SLC1A6: variants seen among roughly 807,000 people sequenced by gnomAD.
SLC1A6 encodes the protein solute carrier family 1 member 6.
A neutral mutation model predicts 42.1 loss-of-function variants in SLC1A6; 15 were observed. That is an observed-to-expected ratio of 0.36 (90% CI 0.24 to 0.55). The LOEUF (loss-of-function observed/expected upper bound fraction) is 0.55. Among genes scored for constraint, SLC1A6 ranks in the 20% least tolerant of loss-of-function variants. The pLI, the probability that SLC1A6 is intolerant of heterozygous loss-of-function variation, is 0.88. For missense variants in SLC1A6, 542 were observed against 772.5 expected, an observed-to-expected ratio of 0.70 and a Z score of 3.54; for synonymous variants, 317 against 319.7, an observed-to-expected ratio of 0.99 and a Z score of 0.09.
upstream of SLC1A6, among the ~76,000 whole-genome samples, chr19:14,982,067 A>T (rs1314712572): frequency 1.3e-5 from 2 of 150,770 alleles, no homozygotes; most frequent in Admixed American, 6.6e-5. Context: ...CTAAAAAAAA[A>T]AATAAAATTT....
chr19:14,997,578 C>A (rs887307610), intron 1 of SLC1A6, among the ~76,000 whole-genome samples: 2 of 152,158 alleles, frequency 1.3e-5, no homozygotes, highest in African/African-American at 4.8e-5. Flanking sequence ...GCCAAGAGAG[C>A]AAGTGGCTGC....
Position 14,950,352 on chromosome 19 carries a change from G to A in SLC1A6, c.1538C>T (p.Ser513Leu). 2.5e-6 allele frequency: 4 copies of A among 1,606,884 alleles called. No homozygotes were observed. Among genetic ancestry groups the A allele is most frequent in the Non-Finnish European group, 3.4e-6 (4 of 1,175,772 alleles). ...GTGCTCGATGACGGCCGCTCCAATT[G>A]AGTCCCCCAGTACGTTGGTCATTGT... ...LRTMTNVLGDSIGAAVIEHLS... is the reference protein window; with the variant it reads ...LRTMTNVLGDLIGAAVIEHLS... Residue 513 changes from serine to leucine, a missense_variant, in exon 10 of 10, where the codon TCA (serine) becomes TTA (leucine). Around this residue, in one of 6 missense-constraint regions of SLC1A6, gnomAD observed 73 missense variants for 85.2 expected, o/e 0.86. Coordinates refer to ENST00000594383, the MANE Select transcript of SLC1A6 (RefSeq NM_005071.3).
chr19:14,983,367 C>T (rs74931295), upstream of SLC1A6, among the ~76,000 whole-genome samples: 1,188 of 152,052 alleles, frequency 7.8e-3, 23 homozygotes, highest in African/African-American at 0.026. Context: ...CTGAAGTGCT[C>T]AGTGTGTTTC....
intron 1 of SLC1A6, among the ~76,000 whole-genome samples, chr19:14,987,908 AAGTGCAGT>A (rs2045800914): frequency 6.6e-6 from 1 of 152,124 alleles, no homozygotes. Context: ...GCCCAGGCTG[AAGTGCAGT>A]AGGGCAATCA....
chr19:14,991,494 G>C (rs991629094), intron 1 of SLC1A6, among the ~76,000 whole-genome samples: 4 of 151,840 alleles, frequency 2.6e-5, no homozygotes, highest in Admixed American at 2.0e-4. Context: ...GTGGTGATGC[G>C]CACATGTAAT....
At chr19:14,952,798 T>A in intron 9 of SLC1A6, 130 bp downstream of exon 9, 3 of 1,218,390 alleles carry the variant, frequency 2.5e-6, no homozygotes, top group Non-Finnish European at 3.3e-6. Context: ...CTCCAAGGCC[T>A]CCTTTTCACT....
chr19:14,962,449 A>G, intron 5 of SLC1A6, 104 bp from the exon 6 acceptor site: 2 of 736,190 alleles, frequency 2.7e-6, no homozygotes, highest in Non-Finnish European at 4.6e-6. Context: ...ACACCCTGGA[A>G]GATCGATAAG....
intron 1 of SLC1A6, among the ~76,000 whole-genome samples, chr19:15,004,710 A>AG (rs555783279): frequency 6.6e-6 from 1 of 151,932 alleles, no homozygotes; most frequent in African/African-American, 2.4e-5. Flanking sequence ...AGAAAAAAAA[A>AG]AAAGATTCTT....
At chr19:15,001,810 C>T (rs2045873813) in intron 1 of SLC1A6, among the ~76,000 whole-genome samples, 1 of 152,066 alleles carries the variant, frequency 6.6e-6, no homozygotes, top group Non-Finnish European at 1.5e-5. Context: ...CACAGGCACA[C>T]ACCATAATGC....
At chr19:14,988,593 C>A (rs2045803661) in intron 1 of SLC1A6, among the ~76,000 whole-genome samples, 1 of 152,164 alleles carries the variant, frequency 6.6e-6, no homozygotes, top group East Asian at 1.9e-4. Context: ...TGAGATATCA[C>A]CTAATACCTG....
At chr19:14,980,816 TCAGGGCGGGGA>T (rs545201495), upstream of SLC1A6, among the ~76,000 whole-genome samples, 102 of 152,204 alleles carry the variant, frequency 6.7e-4, 1 homozygote, top group South Asian at 0.02. Flanking sequence ...TCCTCTATTT[TCAGGGCGGGGA>T]CAGGTGCTCA....
chr19:15,006,760 CA>C (rs58932066), intron 1 of SLC1A6, among the ~76,000 whole-genome samples: 50 of 133,104 alleles, frequency 3.8e-4, no homozygotes, highest in African/African-American at 6.5e-4. Flanking sequence ...CCTGTCTCTA[CA>C]AAAAAAAAAA....
chr19:14,951,306 A>C (rs1347341443), intron 9 of SLC1A6, among the ~76,000 whole-genome samples: 3 of 151,326 alleles, frequency 2.0e-5, no homozygotes, highest in Admixed American at 1.3e-4. Flanking sequence ...TGAACATCTC[A>C]TGCAGACGAT....
chr19:14,950,232 G>A lies in SLC1A6; in HGVS notation c.1658C>T (p.Ala553Val). The change falls in exon 10 of 10, where the codon GCA becomes GTA. Residue 553 changes from alanine (A) to valine (V), a missense_variant. Ala to Val is a moderately conservative substitution (Grantham distance 64). Coordinates refer to ENST00000594383, the MANE Select transcript of SLC1A6 (RefSeq NM_005071.3). ...CTCGTTGCCTCCCCGTCCCCGGGAT[G>A]CCCCCTTCTCCTGTGCCATGAGGGA... ...YKSLMAQEKG[A>V]SRGRGGNESA... 1 of 1,591,606 alleles carries A rather than the reference G, an allele frequency of 6.3e-7. No homozygotes were observed. The highest frequency in any genetic ancestry group is 8.6e-7 in the Non-Finnish European group (1 of 1,164,514).
At chr19:14,954,095 A>T in intron 8 of SLC1A6, 40 bp downstream of exon 8, 5 of 1,442,202 alleles carry the variant, frequency 3.5e-6, no homozygotes, top group Non-Finnish European at 4.8e-6. Flanking sequence ...ATGACCGCTT[A>T]AGTCTCACCT....
upstream of SLC1A6, among the ~76,000 whole-genome samples, chr19:14,980,910 T>A (rs2045763555): frequency 6.6e-6 from 1 of 152,044 alleles, no homozygotes; most frequent in South Asian, 2.1e-4. Flanking sequence ...TTTGCATGCA[T>A]CGCCCTGGCT....
chr19:14,967,036 A>G (rs2189666), intron 4 of SLC1A6, among the ~76,000 whole-genome samples: 58,891 of 151,952 alleles, frequency 0.39, 11,842 homozygotes, highest in East Asian at 0.6. Flanking sequence ...CCAGAACTTA[A>G]AGTAAAAAAT....
upstream of SLC1A6, among the ~76,000 whole-genome samples, chr19:14,984,500 T>C (rs2045783717): frequency 6.6e-6 from 1 of 152,234 alleles, no homozygotes; most frequent in Non-Finnish European, 1.5e-5. Context: ...AAAGGGAAGA[T>C]TATTTTAATC....
intron 1 of SLC1A6, among the ~76,000 whole-genome samples, chr19:14,992,318 T>C (rs1429125921): frequency 6.6e-6 from 1 of 152,256 alleles, no homozygotes; most frequent in Non-Finnish European, 1.5e-5. Context: ...TATGTGGGAC[T>C]GACTGGTATC....
Sources: allele counts gnomAD v4.1 joint callset (sites outside exome capture counted in the v4.1 genomes callset), GRCh38; gene constraint gnomAD v4.1.1; regional missense constraint gnomAD v4.1.1; transcripts MANE v1.5; gene names NCBI Gene and HGNC (gene_info 2026-07-23, HGNC 2026-07-21).